PHAX: variants seen among roughly 807,000 people sequenced by gnomAD.
PHAX encodes phosphorylated adapter RNA export protein.
PHAX carries 31 observed loss-of-function variants against 41.6 expected under a neutral mutation model. The observed-to-expected ratio is 0.75, with a 90% CI of 0.56 to 1.01. The LOEUF is 1.01. PHAX is among the 50% of genes least tolerant of loss of function. The probability of loss-of-function intolerance (pLI) is 0.00; values close to 1 mark genes in which losing one functional copy is unlikely to be tolerated. For missense variants in PHAX, 453 were observed against 472.9 expected (o/e 0.96, Z 0.39); for synonymous variants, 175 against 164.9 (o/e 1.06, Z -0.47).
At position 126,602,596 on chromosome 5, in the gene PHAX, A is replaced by G. The variant is rs182401290; in HGVS notation, c.97-974A>G. 2.6e-5 allele frequency among the ~76,000 whole-genome samples: 4 copies of G among 152,378 alleles called. No homozygotes were observed. In the East Asian group the frequency reaches 7.7e-4, roughly 29 times the overall value. On this transcript the variant is annotated intron_variant, in intron 1 of 4. Coordinates refer to ENST00000297540, the MANE Select transcript of PHAX (RefSeq NM_032177.4). ...GACAAATACTTGCTTTTGCATATAA[A>G]TGTTTAGGAAATTAGTACCAAGATA...
At chr5:126,606,443 A>G (rs1322145846) in intron 2 of PHAX, among the ~76,000 whole-genome samples, 1 of 152,038 alleles carries the variant, frequency 6.6e-6, no homozygotes, top group Non-Finnish European at 1.5e-5. Context: ...CAGCCTCCCA[A>G]AGTGGTGGGA....
chr5:126,607,430 C>G (rs1752008485), intron 2 of PHAX, among the ~76,000 whole-genome samples: 1 of 121,256 alleles, frequency 8.2e-6, no homozygotes, highest in Non-Finnish European at 1.6e-5. Flanking sequence ...CGGAGTTTCA[C>G]TCTCGTTGCC....
chr5:126,602,220 TA>T (rs1751915219), intron 1 of PHAX, among the ~76,000 whole-genome samples: 1 of 152,248 alleles, frequency 6.6e-6, no homozygotes, highest in African/African-American at 2.4e-5. Flanking sequence ...GTGCTGGGAC[TA>T]CAGGCGCGAG....
intron 3 of PHAX, 135 bp from the exon 4 acceptor site, chr5:126,617,115 T>C (rs370008292): frequency 6.0e-5 from 28 of 470,538 alleles, no homozygotes; most frequent in African/African-American, 4.0e-4. Flanking sequence ...TTACCTATTT[T>C]GTAAGAGTCA....
At position 126,600,957 on chromosome 5, in the gene PHAX, G is replaced by A. The variant is rs537334784; in HGVS notation, c.-6G>A. ...GCCGCTGTGCAGCGCAGCGCACCGC[G>A]GGAAGATGGCGTTGGAGGTCGGCGA... On this transcript the variant is annotated 5_prime_UTR_variant, in exon 1 of 5. Coordinates refer to ENST00000297540, the MANE Select transcript of PHAX (RefSeq NM_032177.4). The A allele has an allele frequency of 1.0e-5, 16 of 1,602,026 alleles. No individual in the cohort carries two copies. Among genetic ancestry groups the A allele is most frequent in the East Asian group, 9.2e-5 (4 of 43,408 alleles).
At chr5:126,607,574 T>C (rs1322305641) in intron 2 of PHAX, among the ~76,000 whole-genome samples, 1 of 151,748 alleles carries the variant, frequency 6.6e-6, no homozygotes, top group African/African-American at 2.4e-5. Context: ...CAGCTAATTT[T>C]GTATTTTTTG....
At chr5:126,608,809 A>G (rs9716527) in intron 3 of PHAX, among the ~76,000 whole-genome samples, 39,774 of 151,156 alleles carry the variant, frequency 0.26, 6,485 homozygotes, top group African/African-American at 0.45. Context: ...GGTGGCACAT[A>G]CCTGTAATCG....
intron 4 of PHAX, among the ~76,000 whole-genome samples, chr5:126,622,208 A>G (rs746772892): frequency 7.9e-5 from 12 of 151,940 alleles, no homozygotes; most frequent in Non-Finnish European, 1.8e-4. Context: ...CTCTCGGCTC[A>G]CTGCAACCTC....
intron 4 of PHAX, 31 bp from the exon 5 acceptor site, chr5:126,624,544 C>T: frequency 6.6e-7 from 1 of 1,516,458 alleles, no homozygotes; most frequent in Middle Eastern, 2.2e-4. Flanking sequence ...CGTGGTAGTT[C>T]TTGTTTACTA....
At chr5:126,623,133 AAAG>A (rs1415536142) in intron 4 of PHAX, among the ~76,000 whole-genome samples, 22 of 152,134 alleles carry the variant, frequency 1.4e-4, no homozygotes, top group South Asian at 2.1e-4. Context: ...CTCAAAAAAA[AAAG>A]AAGAAGAAAA....
At chr5:126,603,206 G>A (rs540606826) in intron 1 of PHAX, among the ~76,000 whole-genome samples, 110 of 150,734 alleles carry the variant, frequency 7.3e-4, no homozygotes, top group Non-Finnish European at 1.1e-3. Context: ...CTCCAGCCTC[G>A]GCCACAGAAC....
In PHAX at chr5:126,603,691, C is replaced by G. The variant is rs1443130884; in HGVS notation, c.218C>G (p.Ser73Ter). 1.9e-6 allele frequency: 3 copies of G among 1,614,046 alleles called. No homozygotes were observed. The highest frequency in any genetic ancestry group is 1.7e-5 in the Admixed American group (1 of 59,986). ...TCAAGTGAAGAAAGTTTTTCTGATT[C>G]AGATGATGATAGCTGTCTTTGGAAA... is the stretch of plus-strand genomic sequence containing the variant. ...VDSSEESFSD[S>*]DDDSCLWKRK... Residue 73 changes from serine (S) to a stop codon, truncating the protein, a stop_gained, in exon 2 of 5, where the codon TCA becomes TGA. Transcript: ENST00000297540. LOFTEE classifies it high-confidence loss of function.
chr5:126,605,317 G>A (rs1258193052), intron 2 of PHAX, among the ~76,000 whole-genome samples: 1 of 151,972 alleles, frequency 6.6e-6, no homozygotes. Flanking sequence ...GTGAGCCACT[G>A]TACCTGAGTC....
At chr5:126,616,185 T>A (rs1318402534) in intron 3 of PHAX, among the ~76,000 whole-genome samples, 3 of 151,704 alleles carry the variant, frequency 2.0e-5, no homozygotes, top group Non-Finnish European at 4.4e-5. Context: ...CTCCACCTCC[T>A]GGGTTCAAGT....
chr5:126,622,612 G>A (rs778757197), intron 4 of PHAX, among the ~76,000 whole-genome samples: 26 of 151,766 alleles, frequency 1.7e-4, no homozygotes, highest in African/African-American at 1.9e-4. Flanking sequence ...TTTTAATAAG[G>A]CTTGCCATAT....
intron 2 of PHAX, among the ~76,000 whole-genome samples, chr5:126,606,133 CTAA>C (rs1237625559): frequency 6.6e-5 from 10 of 151,916 alleles, no homozygotes; most frequent in Non-Finnish European, 1.5e-4. Flanking sequence ...CTTCTGTCAG[CTAA>C]TGTTATGTTT....
At chr5:126,604,322 G>T (rs1751956997) in intron 2 of PHAX, 139 bp downstream of exon 2, 11 of 807,676 alleles carry the variant, frequency 1.4e-5, no homozygotes, top group Non-Finnish European at 2.0e-5. Flanking sequence ...TGTCACCCAG[G>T]CTGGAGTGCA....
chr5:126,601,153 C>T, intron 1 of PHAX, 95 bp downstream of exon 1: 1 of 858,054 alleles, frequency 1.2e-6, no homozygotes, highest in Non-Finnish European at 1.9e-6. Context: ...GGGGTGGGAG[C>T]TAGGAGCCCG....
intron 4 of PHAX, among the ~76,000 whole-genome samples, chr5:126,623,018 C>G (rs1342422267): frequency 6.6e-6 from 1 of 151,540 alleles, no homozygotes. Context: ...TCCAGCTACT[C>G]TAGAGGCCAA....
Sources: allele counts gnomAD v4.1 joint callset (sites outside exome capture counted in the v4.1 genomes callset), GRCh38; gene constraint gnomAD v4.1.1; transcripts MANE v1.5; gene names NCBI Gene and HGNC (gene_info 2026-07-23, HGNC 2026-07-21).